Variants in STAB2 observed in about 807,000 individuals in gnomAD.
STAB2 encodes the protein stabilin-2.
A neutral mutation model predicts 338.1 loss-of-function variants in STAB2; 288 were observed. The ratio of observed to expected loss-of-function variants is 0.85; its 90% CI spans 0.77 to 0.94. The LOEUF is 0.94. Ranked by LOEUF, STAB2 falls within the 40% of genes least tolerant of loss-of-function variation. STAB2 has a pLI of 0.00. For missense variants in STAB2, 3,141 were observed against 3,210.1 expected, an observed-to-expected ratio of 0.98 and a Z score of 0.52; for synonymous variants, 1,202 against 1,193.3, an observed-to-expected ratio of 1.01 and a Z score of -0.15.
At chr12:103,612,704 T>TGG (rs1210456894) in intron 3 of STAB2, among the ~76,000 whole-genome samples, 3 of 152,230 alleles carry the variant, frequency 2.0e-5, no homozygotes, top group Non-Finnish European at 4.4e-5. Flanking sequence ...TCATTCTCCA[T>TGG]CCGGCTTTGT....
intron 15 of STAB2, chr12:103,657,592 G>A (rs1874288771): frequency 6.6e-6 from 1 of 152,118 alleles, no homozygotes; most frequent in Non-Finnish European, 1.5e-5. Context: ...ATAAGCCTTT[G>A]GTAAGAATAC....
intron 1 of STAB2, among the ~76,000 whole-genome samples, chr12:103,587,801 C>A (rs910028823): frequency 6.6e-6 from 1 of 152,218 alleles, no homozygotes; most frequent in Admixed American, 6.5e-5. Context: ...TTAGTGCTAA[C>A]GATCCTCTTT....
At chr12:103,593,614 A>T (rs1269596272) in intron 2 of STAB2, among the ~76,000 whole-genome samples, 1 of 152,222 alleles carries the variant, frequency 6.6e-6, no homozygotes, top group African/African-American at 2.4e-5. Context: ...AAAGTATGTG[A>T]CTGTGCTATT....
intron 44 of STAB2, 93 bp from the exon 45 acceptor site, chr12:103,724,882 G>T: frequency 6.4e-7 from 1 of 1,561,514 alleles, no homozygotes; most frequent in Non-Finnish European, 8.7e-7. Context: ...GACAAAAAAT[G>T]AATTCAAACG....
At chr12:103,646,953 G>A (rs1007076800) in intron 9 of STAB2, among the ~76,000 whole-genome samples, 1 of 152,176 alleles carries the variant, frequency 6.6e-6, no homozygotes, top group Non-Finnish European at 1.5e-5. Context: ...GGTGAGGATG[G>A]GAAAGCATTC....
At position 103,730,153 on chromosome 12, in the gene STAB2, C is replaced by A. The variant is rs758993565; in HGVS notation, c.5120C>A (p.Ser1707Tyr). Residue 1707 changes from serine to tyrosine, a missense_variant, in exon 49 of 69, where the codon TCC (serine) becomes TAC (tyrosine). Transcript: ENST00000388887. The part of the protein sequence containing the change: ...VYINNKAKII[S>Y]SDIISTNGIV... ...ATAAACAATAAGGCTAAGATCATAT[C>A]CAGTGATATCATCAGTACTAATGGG... 6.2e-7 allele frequency: 1 copy of A among 1,612,508 alleles called. No homozygotes were observed. The highest frequency in any genetic ancestry group is 8.5e-7 in the Non-Finnish European group (1 of 1,179,484).
At chr12:103,707,600 T>C (rs1292441051) in intron 38 of STAB2, among the ~76,000 whole-genome samples, 1 of 152,224 alleles carries the variant, frequency 6.6e-6, no homozygotes, top group Middle Eastern at 3.2e-3. Flanking sequence ...AACAATGATC[T>C]GTTTGAGCCA....
chr12:103,611,423 A>C (rs577746912), intron 3 of STAB2, among the ~76,000 whole-genome samples: 2,423 of 152,230 alleles, frequency 0.016, 74 homozygotes, highest in African/African-American at 0.056. Context: ...TGTTAAATTG[A>C]TCCCTTTACC....
chr12:103,761,341 G>A lies in STAB2; in HGVS notation c.7290G>A (p.Trp2430Ter). Residue 2430 changes from tryptophan to a stop codon, truncating the protein, a stop_gained, in exon 66 of 69, where the codon TGG becomes TGA. Coordinates refer to ENST00000388887, the MANE Select transcript of STAB2 (RefSeq NM_017564.10). LOFTEE classifies it high-confidence loss of function. ...RFVDGRAILQ[W>*]DIFASNGIIH... Reference sequence around the variant, plus strand: ...TTGATGGAAGAGCCATTCTGCAGTGGGACATCTTTGCCTCCAATGGGATCA... The same window carrying A: ...TTGATGGAAGAGCCATTCTGCAGTGAGACATCTTTGCCTCCAATGGGATCA... 1 of 1,614,018 alleles carries A rather than the reference G, an allele frequency of 6.2e-7. No homozygotes were observed. The highest frequency in any genetic ancestry group is 1.1e-5 in the South Asian group (1 of 91,052).
intron 63 of STAB2, among the ~76,000 whole-genome samples, chr12:103,757,002 T>A (rs1365671365): frequency 0.046 from 665 of 14,552 alleles, 10 homozygotes; most frequent in African/African-American, 0.25. Flanking sequence ...GGAAAATATA[T>A]ATATATATAT....
intron 3 of STAB2, among the ~76,000 whole-genome samples, chr12:103,604,039 A>G (rs1956991381): frequency 6.6e-6 from 1 of 152,178 alleles, no homozygotes; most frequent in Non-Finnish European, 1.5e-5. Context: ...TGGAAATAGA[A>G]TTGATTTTGT....
chr12:103,722,109 C>T (rs570535757), intron 44 of STAB2, among the ~76,000 whole-genome samples: 1 of 152,134 alleles, frequency 6.6e-6, no homozygotes, highest in East Asian at 1.9e-4. Flanking sequence ...CGGTCATTGG[C>T]ACACAGATGG....
At chr12:103,724,500 G>A (rs1881026673) in intron 44 of STAB2, among the ~76,000 whole-genome samples, 1 of 152,186 alleles carries the variant, frequency 6.6e-6, no homozygotes, top group Non-Finnish European at 1.5e-5. Context: ...TTTGAACCGT[G>A]CTTTGCTTTG....
At position 103,728,842 on chromosome 12, in the gene STAB2, G is replaced by A. The variant is rs771855311; in HGVS notation, c.4936-7G>A. The A allele has an allele frequency of 2.5e-5, 40 of 1,613,776 alleles. No homozygotes were observed. The South Asian group carries it at 3.5e-4, about 14-fold the overall frequency. ...TCTGGCTGAAACCCTCTGATCTTCT[G>A]TTACAGGTTAAAGACTGGGACAAAT... On this transcript the variant is annotated splice_polypyrimidine_tract_variant and splice_region_variant and intron_variant, in intron 47 of 68. Transcript: ENST00000388887.
chr12:103,734,286 C>CA (rs1019366872), intron 51 of STAB2, among the ~76,000 whole-genome samples: 14 of 150,058 alleles, frequency 9.3e-5, no homozygotes, highest in African/African-American at 3.5e-4. Context: ...CATATAGGAG[C>CA]AAGCACGATC....
chr12:103,666,391 A>G (rs1402142999), intron 19 of STAB2, 38 bp downstream of exon 19: 4 of 1,610,064 alleles, frequency 2.5e-6, no homozygotes, highest in South Asian at 1.1e-5. Flanking sequence ...AGATCACCCA[A>G]GCAGCCCCAC....
chr12:103,666,219 C>T (rs1291436277), intron 18 of STAB2, 72 bp from the exon 19 acceptor site: 1 of 1,483,780 alleles, frequency 6.7e-7, no homozygotes, highest in East Asian at 2.3e-5. Context: ...AAGCATGAAA[C>T]CAGCCACAGG....
intron 28 of STAB2, among the ~76,000 whole-genome samples, chr12:103,688,531 T>A (rs767120804): frequency 6.6e-6 from 1 of 152,226 alleles, no homozygotes; most frequent in Non-Finnish European, 1.5e-5. Context: ...ATCATTGTAA[T>A]TCACCAAGTT....
intron 51 of STAB2, among the ~76,000 whole-genome samples, chr12:103,734,087 G>A (rs779469974): frequency 6.8e-6 from 1 of 147,964 alleles, no homozygotes; most frequent in African/African-American, 2.5e-5. Flanking sequence ...TGATCACATG[G>A]GAGCATGCAG....
Sources: allele counts gnomAD v4.1 joint callset (sites outside exome capture counted in the v4.1 genomes callset), GRCh38; gene constraint gnomAD v4.1.1; transcripts MANE v1.5; gene names NCBI Gene and HGNC (gene_info 2026-07-23, HGNC 2026-07-21).